Variants in DLG2 observed in about 807,000 individuals in gnomAD.
The protein encoded by DLG2 is discs large MAGUK scaffold protein 2, also known as disks large homolog 2.
A neutral mutation model predicts 132.5 loss-of-function variants in DLG2; 45 were observed. The observed-to-expected ratio is 0.34, with a 90% CI of 0.27 to 0.44. The LOEUF (loss-of-function observed/expected upper bound fraction) is 0.44, where lower values mean the gene tolerates loss of function less well. DLG2 is among the 20% of genes least tolerant of loss of function. The probability of loss-of-function intolerance (pLI) is 1.00; values close to 1 mark genes in which losing one functional copy is unlikely to be tolerated. For missense variants in DLG2, 1,045 were observed against 1,196.9 expected, an observed-to-expected ratio of 0.87 and a Z score of 1.87; for synonymous variants, 424 against 419.6, an observed-to-expected ratio of 1.01 and a Z score of -0.13.
chr11:85,414,824 G>C (rs2089673933), intron 3 of DLG2, among the ~76,000 whole-genome samples: 1 of 151,608 alleles, frequency 6.6e-6, no homozygotes, highest in Admixed American at 6.6e-5. Flanking sequence ...TTTCCTGTTG[G>C]ACAAGGCATT....
chr11:84,568,143 A>G (rs974013127), intron 6 of DLG2, among the ~76,000 whole-genome samples: 8 of 152,188 alleles, frequency 5.3e-5, no homozygotes, highest in African/African-American at 1.9e-4. Context: ...GAAAGGAACC[A>G]TACGTGATAA....
At chr11:83,992,642 C>A (rs1183287751) in intron 11 of DLG2, among the ~76,000 whole-genome samples, 1 of 152,100 alleles carries the variant, frequency 6.6e-6, no homozygotes, top group African/African-American at 2.4e-5. Flanking sequence ...AGAACCATGT[C>A]TGTAGAACCA....
At chr11:85,458,802 C>A (rs2092506805) in intron 3 of DLG2, among the ~76,000 whole-genome samples, 1 of 152,180 alleles carries the variant, frequency 6.6e-6, no homozygotes, top group Non-Finnish European at 1.5e-5. Flanking sequence ...CTCATGATTG[C>A]AGCCATGCTT....
intron 16 of DLG2, among the ~76,000 whole-genome samples, chr11:83,850,829 C>T (rs1040520315): frequency 2.6e-5 from 4 of 152,166 alleles, no homozygotes; most frequent in African/African-American, 9.7e-5. Context: ...AGCTCTCTGT[C>T]CCTGAAAAGT....
chr11:83,723,032 C>A (rs1045027988), intron 18 of DLG2, among the ~76,000 whole-genome samples: 19 of 152,088 alleles, frequency 1.2e-4, no homozygotes, highest in African/African-American at 4.1e-4. Flanking sequence ...AGGAACAAAG[C>A]CACTAAGAGG....
chr11:84,852,881 A>C (rs2082326760), intron 6 of DLG2, among the ~76,000 whole-genome samples: 1 of 152,048 alleles, frequency 6.6e-6, no homozygotes, highest in African/African-American at 2.4e-5. Flanking sequence ...ATAAAATAAA[A>C]AAGTTGCCAT....
chr11:85,465,038 T>A, intron 3 of DLG2, among the ~76,000 whole-genome samples: 1 of 115,062 alleles, frequency 8.7e-6, no homozygotes, highest in East Asian at 2.8e-4. Context: ...TGTGCCACTG[T>A]ACTCCAGCAC....
chr11:85,270,422 G>C (rs530293), intron 4 of DLG2, among the ~76,000 whole-genome samples: 128,835 of 152,136 alleles, frequency 0.85, 55,293 homozygotes, highest in Non-Finnish European at 0.93. Flanking sequence ...ATTGCCCAGT[G>C]TCTGGTACAT....
intron 6 of DLG2, among the ~76,000 whole-genome samples, chr11:84,726,252 C>T (rs2062438585): frequency 1.3e-5 from 2 of 152,122 alleles, no homozygotes; most frequent in Non-Finnish European, 2.9e-5. Flanking sequence ...TCTCCTAATG[C>T]TATCCCTCCC....
chr11:85,125,227 T>C (rs940047176), intron 5 of DLG2, among the ~76,000 whole-genome samples: 7 of 152,206 alleles, frequency 4.6e-5, no homozygotes, highest in African/African-American at 1.4e-4. Flanking sequence ...ATAAGATTTA[T>C]GTAAAGGTCT....
chr11:84,643,733 T>G (rs572465035), intron 6 of DLG2, among the ~76,000 whole-genome samples: 1 of 152,300 alleles, frequency 6.6e-6, no homozygotes, highest in East Asian at 1.9e-4. Flanking sequence ...GGCTTTTAAC[T>G]TTTCTTTCAC....
rs192144492 is a variant in DLG2, at chr11:83,657,684, A to G, written c.1826-24359T>C. ...CTCCCGAGTAGCTGGGACTACAGGC[A>G]CCCGCCACCATGCCTGGCTAATTTT... On this transcript the variant is annotated intron_variant, in intron 18 of 27. Transcript: ENST00000376104. Among the ~76,000 whole-genome samples the G allele has an allele frequency of 5.8e-3, 877 of 151,320 alleles. 8 individuals carry two copies. The highest frequency in any genetic ancestry group is 6.4e-3 in the Non-Finnish European group (431 of 67,776).
intron 6 of DLG2, among the ~76,000 whole-genome samples, chr11:84,838,659 T>C (rs1025379953): frequency 6.6e-6 from 1 of 151,944 alleles, no homozygotes; most frequent in Non-Finnish European, 1.5e-5. Context: ...GAATTGTTTA[T>C]AAAAGTATAA....
chr11:84,652,297 T>C (rs1472165796), intron 6 of DLG2, among the ~76,000 whole-genome samples: 1 of 152,078 alleles, frequency 6.6e-6, no homozygotes, highest in African/African-American at 2.4e-5. Flanking sequence ...TGAGAAATAA[T>C]AGTAGAGGAA....
chr11:84,982,382 A>G (rs1340956304), intron 6 of DLG2, among the ~76,000 whole-genome samples: 4 of 152,254 alleles, frequency 2.6e-5, no homozygotes, highest in Non-Finnish European at 2.9e-5. Context: ...AAAGCGGATG[A>G]TATCTCTATC....
Position 85,325,430 on chromosome 11 carries a change from C to T in DLG2, c.41-40065G>A, listed in dbSNP as rs1305372498. On this transcript the variant is annotated intron_variant, in intron 3 of 27. Transcript: ENST00000376104. ...CAGCACACAGCTGGAGATCTGAGAA[C>T]GGGCAGACTGCCTCCTCAAGTGGGT... 2.6e-4 allele frequency among the ~76,000 whole-genome samples: 37 copies of T among 143,716 alleles called. 1 individual carries two copies. Among genetic ancestry groups the T allele is most frequent in the South Asian group, 2.1e-3 (9 of 4,240 alleles). The allele number at this position is 143,716 out of a possible 152,430, so 94.3% of individuals were successfully genotyped here. A position where few individuals can be genotyped will look rare whatever the true frequency, so the allele number is the denominator to read the frequency against.
At chr11:84,349,956 T>A (rs886263651) in intron 7 of DLG2, among the ~76,000 whole-genome samples, 1 of 151,858 alleles carries the variant, frequency 6.6e-6, no homozygotes, top group African/African-American at 2.4e-5. Context: ...GATGGGCAGA[T>A]CACGAGGTCA....
chr11:84,774,558 G>A (rs563776120), intron 6 of DLG2, among the ~76,000 whole-genome samples: 2 of 152,160 alleles, frequency 1.3e-5, no homozygotes, highest in South Asian at 4.1e-4. Context: ...ATACTGTAAG[G>A]CTACATTAAC....
At chr11:84,403,550 T>G (rs1316810181) in intron 7 of DLG2, among the ~76,000 whole-genome samples, 1 of 152,188 alleles carries the variant, frequency 6.6e-6, no homozygotes, top group Non-Finnish European at 1.5e-5. Context: ...TATTATTTTC[T>G]ATCACTGTTA....
Sources: allele counts gnomAD v4.1 joint callset (sites outside exome capture counted in the v4.1 genomes callset), GRCh38; gene constraint gnomAD v4.1.1; transcripts MANE v1.5; gene names NCBI Gene and HGNC (gene_info 2026-07-23, HGNC 2026-07-21).